The following CCDC175 variants were observed in gnomAD, a reference collection of about 807,000 sequenced individuals.
CCDC175 encodes coiled-coil domain containing 175.
In CCDC175, 100 loss-of-function variants were observed where a neutral mutation model predicts 114.6. That is an observed-to-expected ratio of 0.87 (90% confidence interval 0.74 to 1.03). CCDC175 has a LOEUF of 1.03. Among genes scored for constraint, CCDC175 ranks in the 50% least tolerant of loss-of-function variants. CCDC175 has a pLI of 0.00. For synonymous variants in CCDC175, 306 were observed against 308.7 expected (o/e 0.99, Z 0.09); for missense variants, 880 against 917.8 (o/e 0.96, Z 0.53).
intron 11 of CCDC175, 103 bp downstream of exon 11, chr14:59,540,572 G>A: frequency 1.7e-6 from 2 of 1,211,820 alleles, no homozygotes; most frequent in East Asian, 2.6e-5. Context: ...CATTCCCTTG[G>A]GTTCTAGTAA....
chr14:59,568,213 C>A, intron 4 of CCDC175, 32 bp downstream of exon 4: 1 of 1,508,106 alleles, frequency 6.6e-7, no homozygotes, highest in Non-Finnish European at 8.8e-7. Flanking sequence ...CAGACCCCTG[C>A]TCCCTCAAAT....
intron 16 of CCDC175, among the ~76,000 whole-genome samples, 200 bp downstream of exon 16, chr14:59,525,082 T>C (rs754480990): frequency 8.5e-5 from 13 of 152,212 alleles, no homozygotes; most frequent in Non-Finnish European, 1.6e-4. Flanking sequence ...ATACTGATAA[T>C]GCTTTGTTTC....
chr14:59,517,384 C>T (rs1454509208), intron 17 of CCDC175, among the ~76,000 whole-genome samples: 1 of 152,192 alleles, frequency 6.6e-6, no homozygotes, highest in Non-Finnish European at 1.5e-5. Flanking sequence ...CCAATTGTCC[C>T]TGTTTGCAGA....
intron 8 of CCDC175, among the ~76,000 whole-genome samples, chr14:59,548,804 CA>C (rs1895269785): frequency 6.6e-6 from 1 of 152,070 alleles, no homozygotes; most frequent in African/African-American, 2.4e-5. Flanking sequence ...TGATAGCTCA[CA>C]AAAGCAAAAA....
chr14:59,511,630 G>C (rs918159749), intron 18 of CCDC175, 130 bp downstream of exon 18: 8 of 530,402 alleles, frequency 1.5e-5, no homozygotes, highest in African/African-American at 1.1e-4. Context: ...GAGAGAGCTA[G>C]TGTGAATTTC....
intron 10 of CCDC175, among the ~76,000 whole-genome samples, chr14:59,542,233 C>G (rs1595032654): frequency 6.6e-6 from 1 of 152,138 alleles, no homozygotes; most frequent in Non-Finnish European, 1.5e-5. Context: ...CACTTTCATG[C>G]CCGACTGTTT....
At chr14:59,516,664 G>C (rs1893106821) in intron 17 of CCDC175, among the ~76,000 whole-genome samples, 1 of 152,166 alleles carries the variant, frequency 6.6e-6, no homozygotes, top group African/African-American at 2.4e-5. Flanking sequence ...CTCTGAAATT[G>C]AAGCAATAAT....
intron 8 of CCDC175, 84 bp downstream of exon 8, chr14:59,551,271 A>C: frequency 1.5e-6 from 1 of 677,690 alleles, no homozygotes; most frequent in Non-Finnish European, 2.2e-6. Flanking sequence ...CTTTTGAAAA[A>C]TTCTATATTT....
chr14:59,561,291 C>A, intron 6 of CCDC175, 63 bp from the exon 7 acceptor site: 1 of 756,178 alleles, frequency 1.3e-6, no homozygotes, highest in South Asian at 1.8e-5. Flanking sequence ...AACAGCAGTT[C>A]AATTCCACTC....
chr14:59,567,909 A>G (rs1896647529), intron 4 of CCDC175, among the ~76,000 whole-genome samples: 1 of 152,236 alleles, frequency 6.6e-6, no homozygotes, highest in Non-Finnish European at 1.5e-5. Flanking sequence ...TAATTCTACA[A>G]AAATGGAAAC....
rs1894514828 is a variant in CCDC175 at position 59,538,025 on chromosome 14, C to T, written c.1621G>A (p.Glu541Lys). The T allele has an allele frequency of 6.6e-7, 1 of 1,522,414 alleles. No individual in the cohort carries two copies. The highest frequency in any genetic ancestry group is 1.4e-5 in the African/African-American group (1 of 72,604). 94.3% of individuals were successfully genotyped at this position (1,522,414 alleles called of 1,614,324 possible). ...CTTAGATGCAAAATAAAATTTACCT[C>T]ATACTTGCTTAACTCTTTCATTAAC... is the stretch of plus-strand genomic sequence containing the variant. ...KMLMKELSKY[E>K]EIFVKETQIN... The change falls in exon 13 of 20, where the codon GAG becomes AAG. Residue 541 changes from glutamate to lysine, a missense_variant and splice_region_variant. Glu to Lys is a moderately conservative substitution (Grantham distance 56). Coordinates refer to ENST00000537690, the MANE Select transcript of CCDC175 (RefSeq NM_001164399.2).
chr14:59,556,644 C>T (rs998282996), intron 7 of CCDC175, among the ~76,000 whole-genome samples: 7 of 152,060 alleles, frequency 4.6e-5, no homozygotes, highest in African/African-American at 1.4e-4. Context: ...TTCTGCACAG[C>T]AAAAGAAACT....
chr14:59,506,554 C>G (rs1892410366), intron 19 of CCDC175, among the ~76,000 whole-genome samples: 3 of 152,112 alleles, frequency 2.0e-5, no homozygotes, highest in Admixed American at 2.0e-4. Flanking sequence ...TCCCAAAGTA[C>G]TGGGATTAGA....
chr14:59,533,914 G>A lies in CCDC175; in HGVS notation c.1624-2004C>T, dbSNP rs1027766384. 1.3e-4 allele frequency among the ~76,000 whole-genome samples: 20 copies of A among 151,234 alleles called. 1 individual carries two copies. Among genetic ancestry groups the A allele is most frequent in the Middle Eastern group, 6.8e-3 (2 of 292 alleles). ...TGAGGCAGGAGAATCGCTTGAACCCGGGAGGCGGAGGTTGCAGTGAGCCTA... is the reference window on the plus strand; with the variant it reads ...TGAGGCAGGAGAATCGCTTGAACCCAGGAGGCGGAGGTTGCAGTGAGCCTA... On this transcript the variant is annotated intron_variant, in intron 13 of 19. Transcript: ENST00000537690.
At chr14:59,517,837 A>C (rs1893193810) in intron 17 of CCDC175, among the ~76,000 whole-genome samples, 1 of 152,156 alleles carries the variant, frequency 6.6e-6, no homozygotes, top group African/African-American at 2.4e-5. Flanking sequence ...GTTCATATGG[A>C]ACCAAAAAAG....
chr14:59,549,263 C>A (rs2140064050), intron 8 of CCDC175, among the ~76,000 whole-genome samples: 1 of 152,234 alleles, frequency 6.6e-6, no homozygotes, highest in South Asian at 2.1e-4. Context: ...CTGTAATCCC[C>A]AGCATTCTGG....
chr14:59,538,277 T>C, intron 12 of CCDC175, 123 bp from the exon 13 acceptor site: 1 of 778,596 alleles, frequency 1.3e-6, no homozygotes, highest in Non-Finnish European at 1.9e-6. Context: ...TCATATAATT[T>C]CTCAGCAACC....
rs79599280 is a variant in CCDC175 at position 59,571,586 on chromosome 14, A to G, written c.355+1116T>C. ...ATACCACTTCACAGCCATTTGGATAACAACCAGATAAAACAAAAACAAAAA... is the reference window on the plus strand; with the variant it reads ...ATACCACTTCACAGCCATTTGGATAGCAACCAGATAAAACAAAAACAAAAA... On this transcript the variant is annotated intron_variant, in intron 3 of 19. Transcript: ENST00000537690. Among the ~76,000 whole-genome samples the G allele has an allele frequency of 0.011, 1,631 of 152,334 alleles. 108 individuals are homozygous for G. In the East Asian group the frequency reaches 0.2, roughly 19 times the overall value.
chr14:59,515,689 G>A (rs1010902865), intron 17 of CCDC175, among the ~76,000 whole-genome samples: 1 of 152,146 alleles, frequency 6.6e-6, no homozygotes, highest in Non-Finnish European at 1.5e-5. Context: ...GACCTGGAAA[G>A]AGACTTAGAC....
Sources: gnomAD v4.1 joint callset for allele counts (sites outside exome capture counted in the v4.1 genomes callset) on GRCh38, gnomAD v4.1.1 for gene constraint, MANE v1.5 for transcripts, NCBI Gene and HGNC (gene_info 2026-07-23, HGNC 2026-07-21) for gene names.